Variants in KIF11 observed in about 807,000 individuals in gnomAD.
The protein encoded by KIF11 is kinesin family member 11.
Under a neutral mutation model 121.0 loss-of-function variants are expected in KIF11, and 9 were observed. The ratio of observed to expected loss-of-function variants is 0.07; its 90% CI spans 0.04 to 0.13. KIF11 has a LOEUF of 0.13. Ranked by LOEUF, KIF11 falls within the 10% of genes least tolerant of loss-of-function variation. The probability of loss-of-function intolerance (pLI) is 1.00; values close to 1 mark genes in which losing one functional copy is unlikely to be tolerated. For synonymous variants in KIF11, 408 were observed against 421.0 expected, an observed-to-expected ratio of 0.97 and a Z score of 0.38; for missense variants, 846 against 1,217.5, an observed-to-expected ratio of 0.69 and a Z score of 4.54.
intron 1 of KIF11, among the ~76,000 whole-genome samples, chr10:92,594,932 G>A (rs1844277247): frequency 6.6e-6 from 1 of 152,110 alleles, no homozygotes; most frequent in East Asian, 1.9e-4. Flanking sequence ...CTGTCATTAA[G>A]CATTAAGCTT....
chr10:92,618,397 C>A (rs1490670419), intron 9 of KIF11, among the ~76,000 whole-genome samples: 5 of 151,516 alleles, frequency 3.3e-5, no homozygotes, highest in East Asian at 1.9e-4. Context: ...GTAATCCCAG[C>A]ACTTTGGGAG....
chr10:92,650,255 A>T (rs1844966979), intron 20 of KIF11, 146 bp from the exon 21 acceptor site: 1 of 617,572 alleles, frequency 1.6e-6, no homozygotes, highest in Non-Finnish European at 2.9e-6. Context: ...AATTATTTTC[A>T]TTAATTTGTA....
chr10:92,626,011 T>C (rs540173904), intron 10 of KIF11, among the ~76,000 whole-genome samples: 2 of 152,286 alleles, frequency 1.3e-5, no homozygotes, highest in African/African-American at 4.8e-5. Context: ...CCCAAAGCTA[T>C]TTACAGATTA....
At position 92,639,805 on chromosome 10, in the gene KIF11, G is replaced by T; in HGVS notation, c.2172G>T (p.Lys724Asn). Residue 724 changes from lysine to asparagine, a missense_variant, in exon 17 of 22, where the codon AAG (lysine) becomes AAT (asparagine). Lys to Asn is a moderately conservative substitution (Grantham distance 94). Coordinates refer to ENST00000260731, the MANE Select transcript of KIF11 (RefSeq NM_004523.4). ...CACCTTTCTTACAGGAACTTTGCAA[G>T]TTAATGAATCTTTGGACAGAGAGAT... ...IKQTHSQELC[K>N]LMNLWTERFC... 1 of 1,605,484 alleles carries T rather than the reference G, an allele frequency of 6.2e-7. No homozygotes were observed. The highest frequency in any genetic ancestry group is 8.5e-7 in the Non-Finnish European group (1 of 1,175,508).
intron 6 of KIF11, among the ~76,000 whole-genome samples, chr10:92,610,216 G>A (rs1844481353): frequency 1.3e-5 from 2 of 152,126 alleles, no homozygotes; most frequent in African/African-American, 4.8e-5. Flanking sequence ...TTAGAATATA[G>A]TTTGAAAACC....
chr10:92,649,617 G>T (rs966464523), intron 19 of KIF11, among the ~76,000 whole-genome samples: 1 of 152,078 alleles, frequency 6.6e-6, no homozygotes, highest in Non-Finnish European at 1.5e-5. Flanking sequence ...ATGTTTTAGA[G>T]AGTAGGATGA....
chr10:92,631,778 C>T (rs150583329), intron 12 of KIF11, among the ~76,000 whole-genome samples: 1,719 of 151,904 alleles, frequency 0.011, 45 homozygotes, highest in African/African-American at 0.04. Flanking sequence ...CGGGTTCAAG[C>T]GATTCTCCCG....
intron 21 of KIF11, among the ~76,000 whole-genome samples, chr10:92,652,518 A>G (rs1329458850): frequency 6.6e-6 from 1 of 152,180 alleles, no homozygotes; most frequent in African/African-American, 2.4e-5. Flanking sequence ...AACAGTTAAC[A>G]AAGTTCCAAC....
chr10:92,611,127 C>A (rs1423728789), intron 6 of KIF11, among the ~76,000 whole-genome samples: 1 of 152,002 alleles, frequency 6.6e-6, no homozygotes, highest in Non-Finnish European at 1.5e-5. Context: ...TTAGAGCTAA[C>A]TTCAATGCTT....
chr10:92,621,417 A>G lies in KIF11; in HGVS notation c.1161A>G (p.Arg387=). The change falls in exon 10 of 22, where the codon CGA becomes CGG. Residue 387 remains arginine (R), a synonymous_variant. Coordinates refer to ENST00000260731, the MANE Select transcript of KIF11 (RefSeq NM_004523.4). The part of the protein sequence containing the change: ...EYTEEIERLK[R]DLAAAREKNG... ...CGGAGGAGATAGAACGTTTAAAACG[A>G]GATCTTGCTGCAGCCCGTGAGAAAA... 1 of 1,613,510 alleles carries G rather than the reference A, an allele frequency of 6.2e-7. No individual in the cohort carries two copies. Among genetic ancestry groups the G allele is most frequent in the Non-Finnish European group, 8.5e-7 (1 of 1,179,494 alleles).
intron 11 of KIF11, 71 bp downstream of exon 11, chr10:92,628,966 T>G: frequency 6.9e-5 from 49 of 712,266 alleles, no homozygotes; most frequent in Non-Finnish European, 1.0e-4. Context: ...GAATGAAAGA[T>G]CTAATATTTT....
chr10:92,640,022 T>G (rs1392614561), intron 17 of KIF11, 122 bp downstream of exon 17: 1 of 561,346 alleles, frequency 1.8e-6, no homozygotes, highest in Non-Finnish European at 3.1e-6. Context: ...TGTTAATATT[T>G]TATTATGTAT....
At chr10:92,598,190 C>G (rs1844322647) in intron 1 of KIF11, among the ~76,000 whole-genome samples, 2 of 152,142 alleles carry the variant, frequency 1.3e-5, no homozygotes, top group South Asian at 4.1e-4. Context: ...TGTTGTGAAG[C>G]TTTTGCCTTA....
chr10:92,609,597 G>T, intron 6 of KIF11, 88 bp downstream of exon 6: 1 of 1,317,390 alleles, frequency 7.6e-7, no homozygotes, highest in Non-Finnish European at 1.0e-6. Context: ...GTGGGTCAGG[G>T]TATGTGGGTC....
intron 12 of KIF11, 125 bp downstream of exon 12, chr10:92,630,489 A>G (rs1376863675): frequency 4.0e-6 from 2 of 502,384 alleles, no homozygotes; most frequent in African/African-American, 4.0e-5. Context: ...TTTAAAAAAC[A>G]TTATTTTACT....
intron 6 of KIF11, among the ~76,000 whole-genome samples, chr10:92,612,404 T>G (rs542924459): frequency 6.6e-6 from 1 of 152,264 alleles, no homozygotes; most frequent in East Asian, 1.9e-4. Context: ...TCCCAAAGTG[T>G]TGGGATTACA....
intron 10 of KIF11, among the ~76,000 whole-genome samples, chr10:92,626,111 C>G (rs1371697545): frequency 6.6e-6 from 1 of 152,126 alleles, no homozygotes; most frequent in East Asian, 1.9e-4. Context: ...CCCAAATAGC[C>G]AAAGCAGTCC....
chr10:92,637,718 T>C (rs1402682291), intron 16 of KIF11, among the ~76,000 whole-genome samples, 173 bp downstream of exon 16: 1 of 152,204 alleles, frequency 6.6e-6, no homozygotes, highest in African/African-American at 2.4e-5. Context: ...TGAGAATACT[T>C]CTCTTAATAT....
chr10:92,627,531 C>T (rs529494427), intron 10 of KIF11, among the ~76,000 whole-genome samples: 33 of 152,194 alleles, frequency 2.2e-4, no homozygotes, highest in South Asian at 4.2e-4. Context: ...TAGATCTATT[C>T]CTTATCTCAG....
Sources: gnomAD v4.1 joint callset for allele counts (sites outside exome capture counted in the v4.1 genomes callset) on GRCh38, gnomAD v4.1.1 for gene constraint, MANE v1.5 for transcripts, NCBI Gene and HGNC (gene_info 2026-07-23, HGNC 2026-07-21) for gene names.